Variants in RAD21L1 observed in about 807,000 individuals in gnomAD.
RAD21L1 encodes RAD21 cohesin complex component like 1.
Under a neutral mutation model 69.0 loss-of-function variants are expected in RAD21L1, and 47 were observed. The ratio of observed to expected loss-of-function variants is 0.68; its 90% CI spans 0.54 to 0.87. The LOEUF (loss-of-function observed/expected upper bound fraction) is 0.87. RAD21L1 is among the 40% of genes least tolerant of loss of function. RAD21L1 has a pLI of 0.00. For synonymous variants in RAD21L1, 177 were observed against 205.8 expected (o/e 0.86, Z 1.20); for missense variants, 583 against 647.6 (o/e 0.90, Z 1.08).
intron 6 of RAD21L1, among the ~76,000 whole-genome samples, 154 bp downstream of exon 6, chr20:1,238,368 C>CA (rs1187223294): frequency 6.6e-6 from 1 of 152,110 alleles, no homozygotes; most frequent in African/African-American, 2.4e-5. Flanking sequence ...AAGTCTGTGG[C>CA]ATGTTTAAAC....
Position 1,255,396 on chromosome 20 carries a change from G to C in RAD21L1, c.*939G>C, listed in dbSNP as rs2087915220. Among the ~76,000 whole-genome samples, 1 of 152,062 alleles carries C rather than the reference G, an allele frequency of 6.6e-6. No homozygotes were observed. Among genetic ancestry groups the C allele is most frequent in the Admixed American group, 6.6e-5 (1 of 15,254 alleles). ...TCCTTTTTTCTTAATTGAAGTTTGA[G>C]TTAGGACATTTTCATATGATGCTCT... On this transcript the variant is annotated 3_prime_UTR_variant, in exon 14 of 14. Transcript: ENST00000683101.
Position 1,246,195 on chromosome 20 carries a change from C to A in RAD21L1, c.1309-18C>A. The A allele has an allele frequency of 6.8e-7, 1 of 1,464,186 alleles. No homozygotes were observed. The allele number at this position is 1,464,186 out of a possible 1,614,324, so 90.7% of individuals were successfully genotyped here. Reference sequence around the variant, plus strand: ...CCACTGGCAGATTTACCTAACTTTCCCTAATTTGCTTCAGCAGGATATTGT... The same window carrying A: ...CCACTGGCAGATTTACCTAACTTTCACTAATTTGCTTCAGCAGGATATTGT... On this transcript the variant is annotated intron_variant, in intron 11 of 13. Transcript: ENST00000683101. The surrounding 1 kb of genome is among the most constrained non-coding windows in gnomAD (Gnocchi z 4.6).
At position 1,234,065 on chromosome 20, in the gene RAD21L1, A is replaced by G. The variant is rs1022045414; in HGVS notation, c.369-20A>G. ...TGTTTTCTGTTCTCATGTTTTTCTC[A>G]ACCTTCTATTTCTCCATAGTGCTAT... On this transcript the variant is annotated intron_variant, in intron 4 of 13. Transcript: ENST00000683101. The G allele has an allele frequency of 6.7e-6, 8 of 1,185,234 alleles. No homozygotes were observed. Among genetic ancestry groups the G allele is most frequent in the South Asian group, 1.4e-5 (1 of 70,266 alleles). 73.4% of individuals were successfully genotyped at this position (1,185,234 alleles called of 1,614,324 possible). A position where few individuals can be genotyped will look rare whatever the true frequency, so the allele number is the denominator to read the frequency against.
Position 1,238,164 on chromosome 20 carries a change from A to G in RAD21L1, c.596A>G (p.Tyr199Cys), listed in dbSNP as rs765562810. The change falls in exon 6 of 14, where the codon TAT becomes TGT. Residue 199 changes from tyrosine (Y) to cysteine (C), a missense_variant. Tyr to Cys is a radical substitution (Grantham distance 194). Coordinates refer to ENST00000683101, the MANE Select transcript of RAD21L1 (RefSeq NM_001384355.1). ...GSLTGERSLF[Y>C]DSGDGFGDEG... is the part of the protein sequence containing the mutation. ...CTCACTGGAGAACGATCTCTATTCT[A>G]TGACAGTGGAGATGGGTTTGGAGAT... The G allele has an allele frequency of 4.6e-5, 71 of 1,538,726 alleles. No individual in the cohort carries two copies. In the East Asian group the frequency reaches 1.1e-3, roughly 24 times the overall value.
At chr20:1,231,096 T>C (rs2087380739) in intron 3 of RAD21L1, among the ~76,000 whole-genome samples, 1 of 152,140 alleles carries the variant, frequency 6.6e-6, no homozygotes, top group African/African-American at 2.4e-5. Flanking sequence ...AAATGAGAAC[T>C]ACCCAGCCAT....
chr20:1,254,325 T>C lies in RAD21L1; in HGVS notation c.1536T>C (p.Ser512=). 1 of 1,551,340 alleles carries C rather than the reference T, an allele frequency of 6.4e-7. No individual in the cohort carries two copies. Among genetic ancestry groups the C allele is most frequent in the Non-Finnish European group, 8.7e-7 (1 of 1,146,838 alleles). The change falls in exon 14 of 14, where the codon AGT becomes AGC. Residue 512 remains serine (S), a synonymous_variant. Coordinates refer to ENST00000683101, the MANE Select transcript of RAD21L1 (RefSeq NM_001384355.1). Reference sequence around the variant, plus strand: ...GTCTGATGAAGCTCTGTAGAAATAGTGACCGAAAACAAGCAGCTGCCAAAT... The same window carrying C: ...GTCTGATGAAGCTCTGTAGAAATAGCGACCGAAAACAAGCAGCTGCCAAAT... ...SFSLMKLCRN[S]DRKQAAAKFY... is the part of the protein sequence containing the mutation.
At chr20:1,228,696 G>C (rs1190611695) in intron 2 of RAD21L1, 99 bp downstream of exon 2, 1 of 855,832 alleles carries the variant, frequency 1.2e-6, no homozygotes, top group African/African-American at 1.8e-5. Context: ...TTTCAAGGAA[G>C]TTTTACTTGT....
chr20:1,248,343 G>A (rs192426518), intron 12 of RAD21L1, among the ~76,000 whole-genome samples: 5 of 152,182 alleles, frequency 3.3e-5, no homozygotes, highest in East Asian at 3.9e-4. Context: ...CAAAGTAACC[G>A]TAAGACCCTG....
chr20:1,244,549 C>T (rs1308988358), intron 11 of RAD21L1, among the ~76,000 whole-genome samples: 1 of 152,012 alleles, frequency 6.6e-6, no homozygotes, highest in Non-Finnish European at 1.5e-5. Context: ...ATAAATTCAC[C>T]CAAGTATCTC....
rs766706275 is a variant in RAD21L1, at chr20:1,254,972, C to T, written c.*515C>T. ...AGATGTTTCTTAAAAGGCTATTTTA[C>T]ATTGGAGTATTTACTTGAATTTTAT... On this transcript the variant is annotated 3_prime_UTR_variant, in exon 14 of 14. Transcript: ENST00000683101. Among the ~76,000 whole-genome samples the T allele has an allele frequency of 2.0e-5, 3 of 152,188 alleles. No individual in the cohort carries two copies. The highest frequency in any genetic ancestry group is 4.4e-5 in the Non-Finnish European group (3 of 68,026).
intron 4 of RAD21L1, among the ~76,000 whole-genome samples, chr20:1,233,613 G>A (rs2087436823): frequency 6.6e-6 from 1 of 152,160 alleles, no homozygotes; most frequent in South Asian, 2.1e-4. Flanking sequence ...TCTGGTGATG[G>A]CCTGCTTCCT....
At chr20:1,231,757 TA>T in intron 4 of RAD21L1, 138 bp downstream of exon 4, 2 of 579,644 alleles carry the variant, frequency 3.5e-6, no homozygotes, top group South Asian at 4.5e-5. Context: ...ATATTTGGTA[TA>T]AACTCCCAAA....
intron 1 of RAD21L1, 38 bp from the exon 2 acceptor site, chr20:1,228,384 G>A (rs943182880): frequency 1.2e-5 from 14 of 1,160,090 alleles, no homozygotes; most frequent in Middle Eastern, 2.2e-4. Flanking sequence ...AAAAGTTTTT[G>A]TAATAAAATT....
intron 12 of RAD21L1, 109 bp from the exon 13 acceptor site, chr20:1,248,517 A>G (rs2087762133): frequency 3.5e-6 from 2 of 569,112 alleles, no homozygotes; most frequent in Admixed American, 3.3e-5. Context: ...ATTTGGCAGG[A>G]CCCATTGTAA....
At chr20:1,243,822 G>A (rs1360750214) in intron 10 of RAD21L1, among the ~76,000 whole-genome samples, 1 of 152,022 alleles carries the variant, frequency 6.6e-6, no homozygotes, top group East Asian at 1.9e-4. Context: ...GTGTGTAGAG[G>A]AGATGGTTGG....
chr20:1,250,087 C>T (rs1037643459), intron 13 of RAD21L1, among the ~76,000 whole-genome samples: 7 of 149,132 alleles, frequency 4.7e-5, no homozygotes, highest in East Asian at 2.0e-4. Flanking sequence ...TTCCCACCTA[C>T]GAGTGAGAAC....
chr20:1,238,566 G>T (rs2087545569), intron 6 of RAD21L1, among the ~76,000 whole-genome samples: 1 of 151,744 alleles, frequency 6.6e-6, no homozygotes, highest in African/African-American at 2.4e-5. Flanking sequence ...CATACATTGT[G>T]GGGCAGCTAA....
intron 5 of RAD21L1, among the ~76,000 whole-genome samples, chr20:1,236,109 T>C (rs1407515325): frequency 6.6e-6 from 1 of 152,106 alleles, no homozygotes; most frequent in Non-Finnish European, 1.5e-5. Flanking sequence ...TTCATACTAG[T>C]GCTGGGTTGT....
Position 1,254,412 on chromosome 20 carries a change from T to G in RAD21L1, c.1623T>G (p.Tyr541Ter). ...LAIELSQSAP[Y>*]ADIIATMGPM... is the part of the protein sequence containing the mutation. ...TTGAGCTGAGCCAGAGTGCTCCCTA[T>G]GCAGATATTATAGCTACGATGGGAC... is the stretch of plus-strand genomic sequence containing the variant. Residue 541 changes from tyrosine to a stop codon, truncating the protein, a stop_gained, in exon 14 of 14, where the codon TAT becomes TAG. Transcript: ENST00000683101. LOFTEE classifies it high-confidence loss of function. The G allele has an allele frequency of 1.3e-6, 2 of 1,548,774 alleles. No individual in the cohort carries two copies. Among genetic ancestry groups the G allele is most frequent in the South Asian group, 2.4e-5 (2 of 83,526 alleles).
Sources: gnomAD v4.1 joint callset for allele counts (sites outside exome capture counted in the v4.1 genomes callset) on GRCh38, gnomAD v4.1.1 for gene constraint, Gnocchi (gnomAD v3.1) non-coding constraint, MANE v1.5 for transcripts, NCBI Gene and HGNC (gene_info 2026-07-23, HGNC 2026-07-21) for gene names.